Variants in MAGI2 observed in about 807,000 individuals in gnomAD.
MAGI2 encodes the protein membrane-associated guanylate kinase, WW and PDZ domain-containing protein 2.
A neutral mutation model predicts 133.3 loss-of-function variants in MAGI2; 35 were observed. The observed-to-expected ratio is 0.26, with a 90% CI of 0.20 to 0.35. The LOEUF (loss-of-function observed/expected upper bound fraction) is 0.35. Ranked by LOEUF, MAGI2 falls within the 10% of genes least tolerant of loss-of-function variation. The probability of loss-of-function intolerance (pLI) is 1.00; values close to 1 mark genes in which losing one functional copy is unlikely to be tolerated. For missense variants in MAGI2, 1,636 were observed against 1,863.4 expected (o/e 0.88, Z 2.25); for synonymous variants, 729 against 710.6 (o/e 1.03, Z -0.41).
At chr7:79,110,658 G>C (rs1240555941) in intron 1 of MAGI2, among the ~76,000 whole-genome samples, 1 of 152,190 alleles carries the variant, frequency 6.6e-6, no homozygotes, top group Admixed American at 6.5e-5. Context: ...GTTGGAATGA[G>C]TTAAGGCTTT....
rs756042467 is a variant in MAGI2, at chr7:78,402,377, GGT to G, written c.1046-33166_1046-33165del. On this transcript the variant is annotated intron_variant, in intron 6 of 21. Coordinates refer to ENST00000354212, the MANE Select transcript of MAGI2 (RefSeq NM_012301.4). ...GGGGCGTATGTGTGTATCCACCTGG[GGT>G]GTGTGTGTGTGTGTGTCCACCTGGG... Among the ~76,000 whole-genome samples the G allele has an allele frequency of 8.0e-5, 12 of 149,236 alleles. No homozygotes were observed. In the South Asian group the frequency reaches 1.9e-3, roughly 24 times the overall value.
chr7:79,435,391 T>C (rs774415497), intron 1 of MAGI2, among the ~76,000 whole-genome samples: 7 of 152,224 alleles, frequency 4.6e-5, no homozygotes, highest in Non-Finnish European at 8.8e-5. Flanking sequence ...TTTGAAAACT[T>C]CATTGGCAAA....
intron 1 of MAGI2, among the ~76,000 whole-genome samples, chr7:79,027,037 A>C (rs1809960942): frequency 6.6e-6 from 1 of 152,186 alleles, no homozygotes; most frequent in Non-Finnish European, 1.5e-5. Context: ...TGTCATCCTG[A>C]CAGATGAAAG....
intron 2 of MAGI2, among the ~76,000 whole-genome samples, chr7:78,857,211 G>A (rs1356771569): frequency 1.3e-5 from 2 of 152,192 alleles, no homozygotes; most frequent in East Asian, 3.9e-4. Flanking sequence ...GGGACAATTT[G>A]ACTCTGTCTT....
At chr7:78,732,580 G>C (rs944806061) in intron 2 of MAGI2, among the ~76,000 whole-genome samples, 9 of 152,226 alleles carry the variant, frequency 5.9e-5, no homozygotes, top group African/African-American at 2.2e-4. Flanking sequence ...ATGTGATAAA[G>C]CAAATATAGT....
chr7:78,642,584 A>G (rs1352433741), intron 2 of MAGI2, among the ~76,000 whole-genome samples: 4 of 152,240 alleles, frequency 2.6e-5, no homozygotes, highest in Non-Finnish European at 4.4e-5. Context: ...ATGAATATCA[A>G]TCTAGTGGAA....
At chr7:78,701,271 G>C (rs1422643551) in intron 2 of MAGI2, among the ~76,000 whole-genome samples, 1 of 151,862 alleles carries the variant, frequency 6.6e-6, no homozygotes, top group Non-Finnish European at 1.5e-5. Flanking sequence ...CAGACTCTGT[G>C]ATTTTGACTG....
intron 1 of MAGI2, among the ~76,000 whole-genome samples, chr7:79,352,197 G>T (rs899163200): frequency 6.6e-6 from 1 of 152,058 alleles, no homozygotes; most frequent in Non-Finnish European, 1.5e-5. Flanking sequence ...ATAAACCTTC[G>T]GATTTTCATA....
chr7:78,138,625 TCACACACACACACA>T (rs202115434), intron 16 of MAGI2, among the ~76,000 whole-genome samples: 17,488 of 129,388 alleles, frequency 0.14, 1,288 homozygotes, highest in South Asian at 0.2. Flanking sequence ...AAACATAGAT[TCACACACACACACA>T]CACACACACA....
intron 20 of MAGI2, among the ~76,000 whole-genome samples, chr7:78,106,537 G>T (rs1197989019): frequency 2.0e-5 from 3 of 151,924 alleles, no homozygotes; most frequent in African/African-American, 7.2e-5. Flanking sequence ...CTATCTTTTG[G>T]ATAAAAGCCA....
chr7:79,183,103 A>G (rs542487458), intron 1 of MAGI2, among the ~76,000 whole-genome samples: 1 of 152,038 alleles, frequency 6.6e-6, no homozygotes, highest in African/African-American at 2.4e-5. Flanking sequence ...ACATGCAGTT[A>G]GATAGAAGAA....
chr7:78,132,763 G>GGT, intron 18 of MAGI2, 126 bp downstream of exon 18: 2 of 1,363,990 alleles, frequency 1.5e-6, no homozygotes, highest in Non-Finnish European at 1.0e-6. Flanking sequence ...ATCACACAAA[G>GGT]GTATGCACGG....
chr7:78,890,314 T>A (rs143326603), intron 2 of MAGI2, among the ~76,000 whole-genome samples: 1,758 of 152,140 alleles, frequency 0.012, 31 homozygotes, highest in African/African-American at 0.041. Context: ...ATTGGACAGA[T>A]CAATGAGACA....
chr7:78,627,331 C>A, intron 2 of MAGI2, 92 bp from the exon 3 acceptor site: 1 of 1,190,754 alleles, frequency 8.4e-7, no homozygotes, highest in South Asian at 2.4e-5. Flanking sequence ...TATTCAGTGC[C>A]ACTTGTTTGT....
At chr7:78,709,169 C>G (rs556214685) in intron 2 of MAGI2, among the ~76,000 whole-genome samples, 15 of 152,176 alleles carry the variant, frequency 9.9e-5, no homozygotes, top group African/African-American at 2.9e-4. Context: ...TAAAATCTGA[C>G]GTCTTAACTA....
chr7:78,120,118 A>G (rs1820285275), intron 20 of MAGI2, among the ~76,000 whole-genome samples: 1 of 152,246 alleles, frequency 6.6e-6, no homozygotes. Context: ...AAACTTGACA[A>G]GTGGCCGGGC....
chr7:79,378,344 G>T (rs1205988116), intron 1 of MAGI2, among the ~76,000 whole-genome samples: 1 of 151,720 alleles, frequency 6.6e-6, no homozygotes, highest in African/African-American at 2.4e-5. Flanking sequence ...TTTAATCCTT[G>T]TAAAACTTCT....
At chr7:79,199,061 A>G (rs1290192932) in intron 1 of MAGI2, among the ~76,000 whole-genome samples, 1 of 152,008 alleles carries the variant, frequency 6.6e-6, no homozygotes, top group Admixed American at 6.6e-5. Context: ...ATTGAAGTAA[A>G]CAAATGACAA....
chr7:78,532,599 T>C (rs1450475716), intron 3 of MAGI2, among the ~76,000 whole-genome samples: 1 of 152,250 alleles, frequency 6.6e-6, no homozygotes, highest in Admixed American at 6.5e-5. Flanking sequence ...TAAAATTTAC[T>C]GACTTTTTTG....
Sources: gnomAD v4.1 joint callset for allele counts (sites outside exome capture counted in the v4.1 genomes callset) on GRCh38, gnomAD v4.1.1 for gene constraint, MANE v1.5 for transcripts, NCBI Gene and HGNC (gene_info 2026-07-23, HGNC 2026-07-21) for gene names.